SIRT4: variants seen among roughly 807,000 people sequenced by gnomAD.
SIRT4 encodes sirtuin 4, also known as NAD-dependent protein lipoamidase sirtuin-4, mitochondrial.
SIRT4 carries 23 observed loss-of-function variants against 26.1 expected under a neutral mutation model. That is an observed-to-expected ratio of 0.88 (90% CI 0.63 to 1.25). The LOEUF (loss-of-function observed/expected upper bound fraction) is 1.25, where lower values mean the gene tolerates loss of function less well. SIRT4 is among the 50% of genes most tolerant of loss of function. SIRT4 has a pLI of 0.00. For synonymous variants in SIRT4, 155 were observed against 158.4 expected, an observed-to-expected ratio of 0.98 and a Z score of 0.16; for missense variants, 361 against 405.4, an observed-to-expected ratio of 0.89 and a Z score of 0.94.
At chr12:120,295,416 A>G in the SIRT4 span, among the ~76,000 whole-genome samples, 1 of 114,172 alleles carries the variant, frequency 8.8e-6, no homozygotes, top group Non-Finnish European at 1.8e-5. Flanking sequence ...ATATATATAG[A>G]TAATTTTTTT....
At position 120,303,575 on chromosome 12, in the gene SIRT4, T is replaced by G. The variant is rs201241845; in HGVS notation, c.14T>G (p.Phe5Cys). 4.8e-5 allele frequency: 77 copies of G among 1,611,004 alleles called. No individual in the cohort carries two copies. Among genetic ancestry groups the G allele is most frequent in the Non-Finnish European group, 6.3e-5 (74 of 1,179,132 alleles). The change falls in exon 2 of 4, where the codon TTT (phenylalanine) becomes TGT (cysteine). Residue 5 changes from phenylalanine to cysteine, a missense_variant. Phe to Cys is a radical substitution (Grantham distance 205, BLOSUM62 -2). Transcript: ENST00000202967. ...TTTTTCTCTAGAATGAAGATGAGCT[T>G]TGCGTTGACTTTCAGGTCAGCAAAA... MKMS[F>C]ALTFRSAKGR...
rs762471392 is a variant in SIRT4 at position 120,303,613 on chromosome 12, G to A, written c.52G>A (p.Ala18Thr). The A allele has an allele frequency of 1.2e-5, 20 of 1,613,794 alleles. No individual in the cohort carries two copies. The highest frequency in any genetic ancestry group is 6.7e-5 in the Admixed American group (4 of 59,922). ...CAGGTCAGCAAAAGGCCGTTGGATC[G>A]CAAACCCCAGCCAGCCGTGCTCGAA... ...TFRSAKGRWI[A>T]NPSQPCSKAS... is the part of the protein sequence containing the mutation. Residue 18 changes from alanine to threonine, a missense_variant, in exon 2 of 4, where the codon GCA becomes ACA. Ala to Thr is a moderately conservative substitution (Grantham distance 58). Transcript: ENST00000202967.
chr12:120,294,828 C>CT, the SIRT4 span, among the ~76,000 whole-genome samples: 1,508 of 137,462 alleles, frequency 0.011, 14 homozygotes, highest in African/African-American at 0.03. Context: ...ACTGTTTATC[C>CT]TTTTTTTTTT....
chr12:120,305,066 A>C (rs929727530), intron 2 of SIRT4, among the ~76,000 whole-genome samples: 2 of 151,578 alleles, frequency 1.3e-5, no homozygotes, highest in Non-Finnish European at 2.9e-5. Flanking sequence ...AGGCAGGAGA[A>C]TCGCTTGAAC....
At chr12:120,310,309 T>C (rs1872909898) in intron 2 of SIRT4, among the ~76,000 whole-genome samples, 1 of 151,898 alleles carries the variant, frequency 6.6e-6, no homozygotes, top group South Asian at 2.1e-4. Flanking sequence ...GAGGTTGCAG[T>C]GAGCCGAGAT....
the SIRT4 span, chr12:120,291,873 A>C: frequency 6.6e-6 from 1 of 152,088 alleles, no homozygotes; most frequent in Admixed American, 6.6e-5. Flanking sequence ...GATAAACCTC[A>C]TTGGCTACGA....
chr12:120,296,767 C>T, the SIRT4 span, among the ~76,000 whole-genome samples: 6 of 151,656 alleles, frequency 4.0e-5, no homozygotes, highest in Non-Finnish European at 7.4e-5. Context: ...GCCTCGGCCT[C>T]CCCAAGGGGA....
the SIRT4 span, among the ~76,000 whole-genome samples, chr12:120,294,004 A>ATTTTTTTTTT: frequency 1.8e-4 from 4 of 22,710 alleles, no homozygotes; most frequent in Non-Finnish European, 2.4e-4. Context: ...ATGAGATGTT[A>ATTTTTTTTTT]TCTTTTTTTT....
intron 2 of SIRT4, 97 bp from the exon 3 acceptor site, chr12:120,312,359 C>T (rs1873012018): frequency 4.4e-6 from 5 of 1,136,946 alleles, no homozygotes; most frequent in Non-Finnish European, 6.3e-6. Flanking sequence ...AAGAAAGCAG[C>T]GATGGAAGGG....
Position 120,310,259 on chromosome 12 carries a change from G to C in SIRT4, c.498-2197G>C, listed in dbSNP as rs370781082. 2.6e-5 allele frequency among the ~76,000 whole-genome samples: 4 copies of C among 151,986 alleles called. No individual in the cohort carries two copies. In the East Asian group the frequency reaches 7.8e-4, roughly 29 times the overall value. ...CAGGCGCCTGTAATCCCAGCTGCTC[G>C]GGAGGCTGAGGCAGGAGAATCGCTT... On this transcript the variant is annotated intron_variant, in intron 2 of 3. Transcript: ENST00000202967.
chr12:120,313,017 C>T lies in SIRT4; in HGVS notation c.926C>T (p.Pro309Leu). The T allele has an allele frequency of 3.1e-6, 5 of 1,614,132 alleles. No individual in the cohort carries two copies. Among genetic ancestry groups the T allele is most frequent in the Non-Finnish European group, 4.2e-6 (5 of 1,180,044 alleles). ...KLNSRCGELL[P>L]LIDPC ...AATTCTCGTTGTGGAGAGTTGCTGC[C>T]TTTGATAGACCCATGCTGACCACAG... is the stretch of plus-strand genomic sequence containing the variant. The change falls in exon 4 of 4, where the codon CCT becomes CTT. Residue 309 changes from proline to leucine, a missense_variant. Coordinates refer to ENST00000202967, the MANE Select transcript of SIRT4 (RefSeq NM_012240.3).
intron 2 of SIRT4, among the ~76,000 whole-genome samples, chr12:120,309,231 A>C (rs1457062905): frequency 6.6e-6 from 1 of 152,076 alleles, no homozygotes; most frequent in East Asian, 1.9e-4. Flanking sequence ...TCTTTTAATA[A>C]TGAAAATTTC....
upstream of SIRT4, among the ~76,000 whole-genome samples, chr12:120,300,501 A>G (rs1872506028): frequency 6.6e-6 from 1 of 152,158 alleles, no homozygotes; most frequent in Non-Finnish European, 1.5e-5. Context: ...GCTGAAGTGC[A>G]GTCGCACAAT....
At chr12:120,308,189 AAC>A (rs1160840158) in intron 2 of SIRT4, among the ~76,000 whole-genome samples, 2 of 127,118 alleles carry the variant, frequency 1.6e-5, no homozygotes, top group Non-Finnish European at 3.3e-5. Flanking sequence ...TTTTTTTTGA[AAC>A]ACAGTCTTGT....
chr12:120,303,724 AAGAG>A lies in SIRT4; in HGVS notation c.165_168del (p.Lys55AsnfsTer4). ...GTTACAGCGCTTCATCACCCTTTCC[AAGAG>A]ACTCCTTGTGATGACTGGGGCAGGA... On this transcript the variant is annotated frameshift_variant, in exon 2 of 4. Coordinates refer to ENST00000202967, the MANE Select transcript of SIRT4 (RefSeq NM_012240.3). LOFTEE classifies it high-confidence loss of function. 1 of 1,614,078 alleles carries A rather than the reference AAGAG, an allele frequency of 6.2e-7. No homozygotes were observed. The highest frequency in any genetic ancestry group is 8.5e-7 in the Non-Finnish European group (1 of 1,180,000).
chr12:120,293,155 G>C, the SIRT4 span: 5 of 152,132 alleles, frequency 3.3e-5, no homozygotes, highest in Non-Finnish European at 5.9e-5. Context: ...CGTCACGGCG[G>C]GGTATTGGGA....
intron 1 of SIRT4, 103 bp from the exon 2 acceptor site, chr12:120,303,458 G>A: frequency 7.4e-7 from 1 of 1,343,444 alleles, no homozygotes; most frequent in South Asian, 1.5e-5. Flanking sequence ...CTGGGCAACA[G>A]AGGGAGACTC....
the SIRT4 span, among the ~76,000 whole-genome samples, chr12:120,296,833 T>C: frequency 6.6e-6 from 1 of 152,052 alleles, no homozygotes; most frequent in Non-Finnish European, 1.5e-5. Context: ...ACAGCCTGGA[T>C]AAAAAGAAAA....
chr12:120,308,572 C>G (rs894634773), intron 2 of SIRT4, among the ~76,000 whole-genome samples: 1 of 152,100 alleles, frequency 6.6e-6, no homozygotes, highest in African/African-American at 2.4e-5. Flanking sequence ...AGTTGTAGAT[C>G]CCAGAGGAGT....
Sources: allele counts gnomAD v4.1 joint callset (sites outside exome capture counted in the v4.1 genomes callset), GRCh38; gene constraint gnomAD v4.1.1; transcripts MANE v1.5; gene names NCBI Gene and HGNC (gene_info 2026-07-23, HGNC 2026-07-21).